Variants in BTBD7 observed in about 807,000 individuals in gnomAD.
The protein encoded by BTBD7 is BTB/POZ domain-containing protein 7.
In BTBD7, 38 loss-of-function variants were observed where a neutral mutation model predicts 99.9. The observed-to-expected ratio is 0.38, with a 90% CI of 0.29 to 0.50. BTBD7 has a LOEUF of 0.50. Ranked by LOEUF, BTBD7 falls within the 20% of genes least tolerant of loss-of-function variation. The pLI is 0.93. For synonymous variants in BTBD7, 520 were observed against 511.4 expected, an observed-to-expected ratio of 1.02 and a Z score of -0.23; for missense variants, 1,170 against 1,394.6, an observed-to-expected ratio of 0.84 and a Z score of 2.57.
intron 5 of BTBD7, 47 bp downstream of exon 5, chr14:93,261,555 C>T (rs753697028): frequency 6.9e-7 from 1 of 1,439,120 alleles, no homozygotes; most frequent in East Asian, 2.3e-5. Flanking sequence ...TAAGAACCAC[C>T]AAATTTTACA....
At position 93,295,052 on chromosome 14, in the gene BTBD7, T is replaced by C. The variant is rs900121934; in HGVS notation, c.83-115A>G. On this transcript the variant is annotated intron_variant, in intron 2 of 10. Coordinates refer to ENST00000334746, the MANE Select transcript of BTBD7 (RefSeq NM_001002860.4). ...GCAGACATTACCGAACCACTCAAAA[T>C]TGCATTTGTTTTTTATAAAGGAAGA... The C allele has an allele frequency of 4.8e-5, 48 of 1,008,288 alleles. No individual in the cohort carries two copies. The Admixed American group carries it at 5.8e-4, about 12-fold the overall frequency. The allele number at this position is 1,008,288 out of a possible 1,614,324, so 62.5% of individuals were successfully genotyped here. A position where few individuals can be genotyped will look rare whatever the true frequency, so the allele number is the denominator to read the frequency against.
chr14:93,268,207 A>G (rs1055372952), intron 3 of BTBD7, among the ~76,000 whole-genome samples: 29 of 152,234 alleles, frequency 1.9e-4, no homozygotes, highest in Non-Finnish European at 2.9e-4. Flanking sequence ...TGCATCTTTA[A>G]GTCTCAGCTT....
chr14:93,253,403 G>T (rs1019510956), intron 7 of BTBD7, among the ~76,000 whole-genome samples: 2 of 152,132 alleles, frequency 1.3e-5, no homozygotes, highest in African/African-American at 4.8e-5. Flanking sequence ...AATTTGCAAG[G>T]CAACTAAAAT....
At chr14:93,268,453 TTAA>T (rs1393134564) in intron 3 of BTBD7, among the ~76,000 whole-genome samples, 2 of 152,200 alleles carry the variant, frequency 1.3e-5, no homozygotes, top group African/African-American at 4.8e-5. Context: ...TAGTAGATAA[TTAA>T]CTAAAAGCAA....
At chr14:93,328,714 G>C (rs367718565) in intron 1 of BTBD7, among the ~76,000 whole-genome samples, 3 of 149,598 alleles carry the variant, frequency 2.0e-5, no homozygotes, top group Non-Finnish European at 4.4e-5. Flanking sequence ...CCAAAAGTTC[G>C]AGACCAGCCT....
intron 1 of BTBD7, among the ~76,000 whole-genome samples, chr14:93,320,872 A>G (rs2053261820): frequency 6.6e-6 from 1 of 152,206 alleles, no homozygotes; most frequent in African/African-American, 2.4e-5. Context: ...GAGTCCATCT[A>G]CTAGTATAAT....
In BTBD7 at chr14:93,274,915, T is replaced by C. The variant is rs145728362; in HGVS notation, c.1163-10922A>G. ...TCTAGACTTTCATTTAAAAAAATTA[T>C]TGAGCTTTGTGCAGGCTCTGTACTA... On this transcript the variant is annotated intron_variant, in intron 3 of 10. Coordinates refer to ENST00000334746, the MANE Select transcript of BTBD7 (RefSeq NM_001002860.4). 5.8e-3 allele frequency among the ~76,000 whole-genome samples: 889 copies of C among 152,370 alleles called. 12 individuals carry two copies. The highest frequency in any genetic ancestry group is 0.051 in the Middle Eastern group (15 of 294).
intron 4 of BTBD7, among the ~76,000 whole-genome samples, chr14:93,262,219 T>A (rs1288793006): frequency 6.6e-6 from 1 of 151,246 alleles, no homozygotes; most frequent in African/African-American, 2.4e-5. Context: ...TGCAAGCTCC[T>A]CCTCCCAGGT....
At chr14:93,322,371 G>A (rs766236247) in intron 1 of BTBD7, among the ~76,000 whole-genome samples, 2 of 151,820 alleles carry the variant, frequency 1.3e-5, no homozygotes, top group Non-Finnish European at 2.9e-5. Context: ...CTTTTGCCTT[G>A]GCCTCCTAAA....
At chr14:93,313,679 TACACACACACACACACAC>T (rs57711099) in intron 1 of BTBD7, among the ~76,000 whole-genome samples, 10 of 145,424 alleles carry the variant, frequency 6.9e-5, no homozygotes, top group East Asian at 2.0e-4. Context: ...AAAATGAAAC[TACACACACACACACACAC>T]ACACACACAC....
In BTBD7 at chr14:93,300,760, GTGTGTGTGTGTGTA is replaced by G. The variant is rs1163854010; in HGVS notation, c.-106-4617_-106-4604del. Among the ~76,000 whole-genome samples, 157 of 36,450 alleles carry G rather than the reference GTGTGTGTGTGTGTA, an allele frequency of 4.3e-3. 12 individuals are homozygous for G. Among genetic ancestry groups the G allele is most frequent in the Middle Eastern group, 0.03 (2 of 66 alleles). 23.9% of individuals were successfully genotyped at this position (36,450 alleles called of 152,430 possible). On this transcript the variant is annotated intron_variant, in intron 1 of 10. Transcript: ENST00000334746. ...TGTGTGTGTGTGTGTGTGTGTGTGT[GTGTGTGTGTGTGTA>G]TATATATATATATTTTTTTTTTGTA...
chr14:93,328,673 C>T (rs1477221148), intron 1 of BTBD7, among the ~76,000 whole-genome samples: 3 of 146,728 alleles, frequency 2.0e-5, no homozygotes, highest in African/African-American at 7.6e-5. Flanking sequence ...AATCCCAGTA[C>T]CTTGGGTTGA....
intron 1 of BTBD7, among the ~76,000 whole-genome samples, chr14:93,319,394 G>A (rs1331629918): frequency 6.6e-6 from 1 of 152,196 alleles, no homozygotes; most frequent in Non-Finnish European, 1.5e-5. Flanking sequence ...ACAGATGAAT[G>A]AATAAAGAAA....
chr14:93,311,118 T>C (rs8005057), intron 1 of BTBD7, among the ~76,000 whole-genome samples: 2,559 of 152,280 alleles, frequency 0.017, 79 homozygotes, highest in African/African-American at 0.059. Context: ...TTAAAGACAA[T>C]CAGTGAGTTT....
intron 1 of BTBD7, among the ~76,000 whole-genome samples, chr14:93,315,266 A>G (rs1270772845): frequency 6.6e-6 from 1 of 152,144 alleles, no homozygotes; most frequent in Non-Finnish European, 1.5e-5. Flanking sequence ...TAACACAGTT[A>G]TTATTGTTTC....
intron 6 of BTBD7, 73 bp downstream of exon 6, chr14:93,257,122 A>G: frequency 2.0e-6 from 3 of 1,463,966 alleles, no homozygotes; most frequent in Non-Finnish European, 2.8e-6. Context: ...AGCAGAAATT[A>G]TTTACAATGA....
At chr14:93,296,586 T>A (rs1318589333) in intron 1 of BTBD7, among the ~76,000 whole-genome samples, 1 of 152,218 alleles carries the variant, frequency 6.6e-6, no homozygotes, top group Non-Finnish European at 1.5e-5. Context: ...AAATAACACA[T>A]AATTGATTAG....
At position 93,241,549 on chromosome 14, in the gene BTBD7, C is replaced by T. The variant is rs866955619; in HGVS notation, c.*724G>A. On this transcript the variant is annotated 3_prime_UTR_variant, in exon 11 of 11. Transcript: ENST00000334746. ...AATGTGCAGGGATTCTGACTGCATC[C>T]ACACTGTGGAAATGTAACAGCTTTA... is the stretch of plus-strand genomic sequence containing the variant. 3.9e-5 allele frequency: 6 copies of T among 152,344 alleles called. No individual in the cohort carries two copies. The highest frequency in any genetic ancestry group is 1.4e-4 in the African/African-American group (6 of 41,414). The allele number at this position is 152,344 out of a possible 1,614,324, so 9.4% of individuals were successfully genotyped here.
At chr14:93,300,216 G>C in intron 1 of BTBD7, among the ~76,000 whole-genome samples, 1 of 148,928 alleles carries the variant, frequency 6.7e-6, no homozygotes, top group Non-Finnish European at 1.5e-5. Flanking sequence ...CGGTTTATTA[G>C]TTTAGGAAAT....
Sources: gnomAD v4.1 joint callset for allele counts (sites outside exome capture counted in the v4.1 genomes callset) on GRCh38, gnomAD v4.1.1 for gene constraint, MANE v1.5 for transcripts, NCBI Gene and HGNC (gene_info 2026-07-23, HGNC 2026-07-21) for gene names.